DMD: variants seen among roughly 807,000 people sequenced by gnomAD.
DMD encodes mutant dystrophin.
Under a neutral mutation model 330.1 loss-of-function variants are expected in DMD, and 63 were observed. That is an observed-to-expected ratio of 0.19 (90% CI 0.16 to 0.24). DMD has a LOEUF of 0.24. Ranked by LOEUF, DMD falls within the 10% of genes least tolerant of loss-of-function variation. The pLI, the probability that DMD is intolerant of heterozygous loss-of-function variation, is 1.00. For synonymous variants in DMD, 1,223 were observed against 959.8 expected (o/e 1.27, Z -5.07); for missense variants, 3,344 against 2,684.1 (o/e 1.25, Z -5.43).
chrX:32,999,226 C>T (rs5927124), intron 2 of DMD, among the ~76,000 whole-genome samples: 4,085 of 112,314 alleles, frequency 0.036, 129 homozygotes, highest in East Asian at 0.2. Flanking sequence ...CTGCATGAGG[C>T]CCAGGACAGC....
chrX:31,570,058 T>C (rs1238956131), intron 55 of DMD, among the ~76,000 whole-genome samples: 1 of 111,209 alleles, frequency 9.0e-6, no homozygotes, highest in Non-Finnish European at 1.9e-5. Flanking sequence ...ATGTCATTTT[T>C]CTGTTTCAGG....
intron 1 of DMD, among the ~76,000 whole-genome samples, chrX:33,125,023 TAAAAAAAAAAAAAAAA>T (rs59232009): frequency 7.2e-5 from 2 of 27,864 alleles, no homozygotes; most frequent in East Asian, 2.7e-3. Flanking sequence ...AAAGTCCATC[TAAAAAAAAAAAAAAAA>T]AAAAAAAAAA....
intron 1 of DMD, among the ~76,000 whole-genome samples, chrX:33,067,918 C>G (rs1167502164): frequency 2.7e-5 from 3 of 111,373 alleles, no homozygotes; most frequent in African/African-American, 9.8e-5. Flanking sequence ...ATGGTTGATT[C>G]CATAATACTG....
At chrX:33,052,067 C>T (rs1413423030) in intron 1 of DMD, among the ~76,000 whole-genome samples, 1 of 111,600 alleles carries the variant, frequency 9.0e-6, no homozygotes, top group Non-Finnish European at 1.9e-5. Flanking sequence ...AGAATTTCAC[C>T]TTATTTGAAT....
chrX:32,080,815 A>G (rs1159432917), intron 44 of DMD, among the ~76,000 whole-genome samples: 2 of 111,910 alleles, frequency 1.8e-5, no homozygotes, highest in Non-Finnish European at 3.8e-5. Context: ...TGAGAAGGCT[A>G]TCATCCAATG....
intron 55 of DMD, among the ~76,000 whole-genome samples, chrX:31,587,064 T>C (rs891136511): frequency 8.9e-6 from 1 of 111,798 alleles, no homozygotes; most frequent in African/African-American, 3.2e-5. Context: ...AATATAAAAA[T>C]TTGATACCTT....
chrX:31,937,582 C>T (rs73467934), intron 45 of DMD, among the ~76,000 whole-genome samples: 10 of 111,540 alleles, frequency 9.0e-5, no homozygotes, highest in African/African-American at 3.2e-4. Flanking sequence ...CTTTTCCAAG[C>T]GCATGTGTTT....
intron 44 of DMD, among the ~76,000 whole-genome samples, chrX:31,974,334 G>C: frequency 9.0e-6 from 1 of 110,568 alleles, no homozygotes; most frequent in Non-Finnish European, 1.9e-5. Flanking sequence ...TCACTGTTTG[G>C]GTGATGAGAT....
intron 61 of DMD, among the ~76,000 whole-genome samples, chrX:31,347,625 A>G (rs1191553615): frequency 8.9e-6 from 1 of 112,149 alleles, no homozygotes. Flanking sequence ...TTATCCATTC[A>G]TCTGTTGATA....
intron 49 of DMD, among the ~76,000 whole-genome samples, chrX:31,829,339 T>C (rs2092965823): frequency 9.1e-6 from 1 of 110,438 alleles, no homozygotes; most frequent in African/African-American, 3.3e-5. Context: ...AACTCATCCA[T>C]GTAACCAAAA....
chrX:32,342,501 A>C (rs1451049017), intron 40 of DMD: 2 of 407,189 alleles, frequency 4.9e-6, no homozygotes, highest in Admixed American at 4.7e-5. Flanking sequence ...TATTCTAATT[A>C]AGTAAATATT....
At chrX:31,556,854 T>A (rs907803158) in intron 55 of DMD, among the ~76,000 whole-genome samples, 16 of 112,289 alleles carry the variant, frequency 1.4e-4, no homozygotes, top group African/African-American at 5.2e-4. Context: ...TGGCCTTTAT[T>A]TCAATGTATG....
intron 44 of DMD, among the ~76,000 whole-genome samples, chrX:32,072,694 C>A (rs192995410): frequency 6.6e-4 from 73 of 111,407 alleles, no homozygotes; most frequent in Middle Eastern, 4.6e-3. Context: ...CCTGGTGTGC[C>A]CGATATTCTA....
chrX:32,119,669 CCTTT>C (rs1405861701), intron 44 of DMD, among the ~76,000 whole-genome samples: 3 of 111,402 alleles, frequency 2.7e-5, no homozygotes, highest in African/African-American at 9.8e-5. Context: ...GTGATGTGGC[CCTTT>C]CTGTCTTCCA....
At chrX:31,214,297 T>C (rs1233733360) in intron 64 of DMD, among the ~76,000 whole-genome samples, 1 of 112,092 alleles carries the variant, frequency 8.9e-6, no homozygotes, top group African/African-American at 3.2e-5. Context: ...GGGCTACAAT[T>C]AAGAGTTTCA....
chrX:31,704,208 G>C (rs1282889717), intron 52 of DMD, among the ~76,000 whole-genome samples: 1 of 111,448 alleles, frequency 9.0e-6, no homozygotes, highest in Non-Finnish European at 1.9e-5. Flanking sequence ...TTTAAAATTA[G>C]TATAGGAACT....
chrX:32,734,615 C>G (rs1254310870), intron 7 of DMD, among the ~76,000 whole-genome samples: 1 of 105,407 alleles, frequency 9.5e-6, no homozygotes, highest in Non-Finnish European at 1.9e-5. Flanking sequence ...TCAATATACA[C>G]AAATCAATAA....
intron 2 of DMD, among the ~76,000 whole-genome samples, chrX:33,009,930 ATGTGTG>A (rs766575481): frequency 1.4e-4 from 4 of 28,970 alleles, no homozygotes; most frequent in South Asian, 1.7e-3. Context: ...GTGTATACAC[ATGTGTG>A]TATATACACG....
intron 45 of DMD, among the ~76,000 whole-genome samples, chrX:31,951,153 A>ATG (rs1557025578): frequency 1.4e-5 from 1 of 69,721 alleles, no homozygotes; most frequent in African/African-American, 6.3e-5. Flanking sequence ...GTATATATAT[A>ATG]TATATGTATA....
Sources: allele counts gnomAD v4.1 joint callset (sites outside exome capture counted in the v4.1 genomes callset), GRCh38; gene constraint gnomAD v4.1.1; transcripts MANE v1.5; gene names NCBI Gene and HGNC (gene_info 2026-07-23, HGNC 2026-07-21).